Variants in HEMK2 observed in about 807,000 individuals in gnomAD.
HEMK2 encodes the protein HemK methyltransferase 2, ETF1 glutamine and histone H4 lysine.
At chr21:28,622,380 A>G in the HEMK2 span, among the ~76,000 whole-genome samples, 2 of 152,190 alleles carry the variant, frequency 1.3e-5, no homozygotes, top group Non-Finnish European at 2.9e-5. Context: ...GGAAGAATCA[A>G]TATCATGAAA....
chr21:28,623,658 A>G, the HEMK2 span, among the ~76,000 whole-genome samples: 105 of 152,382 alleles, frequency 6.9e-4, 4 homozygotes, highest in East Asian at 0.019. Context: ...GTAGCCATAA[A>G]AAAGGATGAG....
chr21:28,596,142 G>C, the HEMK2 span, among the ~76,000 whole-genome samples: 2 of 151,548 alleles, frequency 1.3e-5, no homozygotes, highest in African/African-American at 4.9e-5. Context: ...TCAGCCTCCC[G>C]AGTAGCTGGG....
At chr21:28,841,181 A>ATATTATATATAAATC in the HEMK2 span, among the ~76,000 whole-genome samples, 1 of 22,484 alleles carries the variant, frequency 4.4e-5, no homozygotes, top group Non-Finnish European at 6.3e-5. Flanking sequence ...ATATATAAAT[A>ATATTATATATAAATC]TATATTATAA....
At chr21:28,650,824 A>C in the HEMK2 span, among the ~76,000 whole-genome samples, 4 of 152,178 alleles carry the variant, frequency 2.6e-5, no homozygotes, top group Non-Finnish European at 4.4e-5. Flanking sequence ...AGAAGATGAA[A>C]GGGGCTTGAG....
At chr21:28,627,118 A>C in the HEMK2 span, among the ~76,000 whole-genome samples, 1 of 152,218 alleles carries the variant, frequency 6.6e-6, no homozygotes, top group Admixed American at 6.5e-5. Context: ...ATTACATTGA[A>C]CAAAAGAAGC....
chr21:28,717,933 C>T, the HEMK2 span, among the ~76,000 whole-genome samples: 1 of 152,098 alleles, frequency 6.6e-6, no homozygotes, highest in Non-Finnish European at 1.5e-5. Context: ...TCATTCAGTT[C>T]TGCTCTGATT....
chr21:28,811,216 A>G, the HEMK2 span, among the ~76,000 whole-genome samples: 2 of 151,420 alleles, frequency 1.3e-5, no homozygotes, highest in Non-Finnish European at 2.9e-5. Context: ...ATCTCTAAAG[A>G]GAGAAAGAGG....
the HEMK2 span, among the ~76,000 whole-genome samples, chr21:28,681,080 G>A: frequency 2.0e-5 from 3 of 152,106 alleles, no homozygotes; most frequent in African/African-American, 7.2e-5. Context: ...GGAAATAAAG[G>A]GCATTCAATT....
At chr21:28,882,854 A>T in the HEMK2 span, 1 of 499,886 alleles carries the variant, frequency 2.0e-6, no homozygotes, top group Non-Finnish European at 3.4e-6. Context: ...TTAGGGAAGC[A>T]TAGTTTGTAA....
At chr21:28,880,762 G>A in the HEMK2 span, among the ~76,000 whole-genome samples, 1 of 147,372 alleles carries the variant, frequency 6.8e-6, no homozygotes, top group East Asian at 2.0e-4. Context: ...AAGAAAGAAA[G>A]AAATTTTTTA....
the HEMK2 span, among the ~76,000 whole-genome samples, chr21:28,767,787 A>G: frequency 1.3e-5 from 2 of 152,002 alleles, no homozygotes; most frequent in African/African-American, 4.8e-5. Context: ...CTTTCCTTCC[A>G]TAAAGTCATT....
At chr21:28,876,333 A>T in the HEMK2 span, 1 of 1,286,084 alleles carries the variant, frequency 7.8e-7, no homozygotes. Context: ...CTTCAGTTTC[A>T]AAATATGCTA....
chr21:28,761,947 T>C, the HEMK2 span, among the ~76,000 whole-genome samples: 15 of 152,140 alleles, frequency 9.9e-5, no homozygotes, highest in Admixed American at 6.6e-4. Flanking sequence ...TAGACTGAGG[T>C]AGGAAAAGAA....
the HEMK2 span, among the ~76,000 whole-genome samples, chr21:28,705,410 T>C: frequency 1.3e-5 from 2 of 152,146 alleles, no homozygotes; most frequent in Non-Finnish European, 2.9e-5. Context: ...AACTCATTCA[T>C]TGATAGAAGG....
the HEMK2 span, among the ~76,000 whole-genome samples, chr21:28,697,305 A>T: frequency 6.6e-6 from 1 of 152,170 alleles, no homozygotes; most frequent in Non-Finnish European, 1.5e-5. Context: ...CAAGTTTAAA[A>T]TTCCACAGAT....
chr21:28,808,744 T>C, the HEMK2 span, among the ~76,000 whole-genome samples: 1 of 152,192 alleles, frequency 6.6e-6, no homozygotes, highest in Admixed American at 6.5e-5. Context: ...TAAATTCACT[T>C]ATGAGTTCTA....
the HEMK2 span, among the ~76,000 whole-genome samples, chr21:28,717,809 G>T: frequency 2.3e-4 from 35 of 151,934 alleles, no homozygotes; most frequent in African/African-American, 8.4e-4. Context: ...TGCTTATTTG[G>T]ATCTTCTCTC....
the HEMK2 span, among the ~76,000 whole-genome samples, chr21:28,806,106 T>C: frequency 6.6e-6 from 1 of 152,208 alleles, no homozygotes; most frequent in African/African-American, 2.4e-5. Context: ...TTTGGTAAAG[T>C]ACCGTATTCA....
chr21:28,699,733 A>T, the HEMK2 span, among the ~76,000 whole-genome samples: 1 of 152,198 alleles, frequency 6.6e-6, no homozygotes, highest in African/African-American at 2.4e-5. Flanking sequence ...TTAAGGAAAA[A>T]GTTTGCAAGC....
Sources: gnomAD v4.1 joint callset for allele counts (sites outside exome capture counted in the v4.1 genomes callset) on GRCh38, gnomAD v4.1.1 for gene constraint, MANE v1.5 for transcripts, NCBI Gene and HGNC (gene_info 2026-07-23, HGNC 2026-07-21) for gene names.